DPP10: variants seen among roughly 807,000 people sequenced by gnomAD.
DPP10 encodes the protein dipeptidyl peptidase like 10.
DPP10 carries 33 observed loss-of-function variants against 120.9 expected under a neutral mutation model. That is an observed-to-expected ratio of 0.27 (90% CI 0.21 to 0.37). The LOEUF (loss-of-function observed/expected upper bound fraction) is 0.37. Among genes scored for constraint, DPP10 ranks in the 10% least tolerant of loss-of-function variants. DPP10 has a pLI of 1.00. For synonymous variants in DPP10, 337 were observed against 326.1 expected (o/e 1.03, Z -0.36); for missense variants, 816 against 942.8 (o/e 0.87, Z 1.76).
At position 115,016,385 on chromosome 2, in the gene DPP10, T is replaced by A. The variant is rs552015035; in HGVS notation, c.61-292854T>A. On this transcript the variant is annotated intron_variant, in intron 1 of 25. Coordinates refer to ENST00000410059, the MANE Select transcript of DPP10 (RefSeq NM_020868.6). ...TGGAATAAAGACTAAACATAAGACCTAAAACCATGAAAACCCTAGAAGAAA... is the reference window on the plus strand; with the variant it reads ...TGGAATAAAGACTAAACATAAGACCAAAAACCATGAAAACCCTAGAAGAAA... Among the ~76,000 whole-genome samples the A allele has an allele frequency of 2.0e-5, 3 of 152,202 alleles. No individual in the cohort carries two copies. In the South Asian group the frequency reaches 6.2e-4, roughly 32 times the overall value.
At chr2:115,086,984 C>A (rs1260170532) in intron 1 of DPP10, among the ~76,000 whole-genome samples, 1 of 152,172 alleles carries the variant, frequency 6.6e-6, no homozygotes, top group African/African-American at 2.4e-5. Flanking sequence ...GTGGTCTTAA[C>A]TCACGAGAGC....
At chr2:115,717,987 G>T (rs1409647651) in intron 7 of DPP10, among the ~76,000 whole-genome samples, 2 of 152,156 alleles carry the variant, frequency 1.3e-5, no homozygotes, top group African/African-American at 2.4e-5. Context: ...GAAGTCAGAT[G>T]TGGAGTAGCC....
chr2:114,989,090 A>G (rs1700602666), intron 1 of DPP10, among the ~76,000 whole-genome samples: 1 of 152,208 alleles, frequency 6.6e-6, no homozygotes, highest in Non-Finnish European at 1.5e-5. Flanking sequence ...TCAAGTGTAT[A>G]TTAGACAGAA....
At chr2:114,979,326 A>T (rs1574622131) in intron 1 of DPP10, among the ~76,000 whole-genome samples, 3 of 152,006 alleles carry the variant, frequency 2.0e-5, no homozygotes, top group Non-Finnish European at 2.9e-5. Context: ...TAAAATTTTT[A>T]AAATTATATG....
chr2:115,004,807 G>A (rs1321170611), intron 1 of DPP10, among the ~76,000 whole-genome samples: 1 of 152,176 alleles, frequency 6.6e-6, no homozygotes, highest in East Asian at 1.9e-4. Context: ...GCCCACCATT[G>A]CCCAGGCTTG....
chr2:115,056,709 C>T (rs1233833632), intron 1 of DPP10, among the ~76,000 whole-genome samples: 5 of 152,156 alleles, frequency 3.3e-5, no homozygotes, highest in Admixed American at 6.5e-5. Context: ...CAATGCTACA[C>T]ATCCTCTCTC....
At chr2:115,271,673 A>G (rs891110556) in intron 1 of DPP10, among the ~76,000 whole-genome samples, 3 of 152,208 alleles carry the variant, frequency 2.0e-5, no homozygotes, top group Non-Finnish European at 4.4e-5. Context: ...GGAAAACAAA[A>G]GCAGATTTTG....
At chr2:114,529,899 T>C (rs920061323) in intron 1 of DPP10, among the ~76,000 whole-genome samples, 4 of 152,170 alleles carry the variant, frequency 2.6e-5, no homozygotes, top group Non-Finnish European at 5.9e-5. Flanking sequence ...TGTCCATGTG[T>C]TCTCATCATT....
chr2:114,827,579 A>G (rs1426933695), intron 1 of DPP10, among the ~76,000 whole-genome samples: 2 of 151,988 alleles, frequency 1.3e-5, no homozygotes, highest in African/African-American at 4.8e-5. Context: ...ATTCTCTTTG[A>G]GCCACTTTTT....
intron 1 of DPP10, among the ~76,000 whole-genome samples, chr2:114,990,212 CA>C (rs1700676617): frequency 6.6e-6 from 1 of 152,092 alleles, no homozygotes; most frequent in Non-Finnish European, 1.5e-5. Flanking sequence ...AGAAAGCTAA[CA>C]CATGTATAAA....
Position 114,855,320 on chromosome 2 carries a change from T to A in DPP10, c.60+412482T>A, listed in dbSNP as rs537703217. 1.2e-4 allele frequency among the ~76,000 whole-genome samples: 18 copies of A among 152,328 alleles called. No individual in the cohort carries two copies. The East Asian group carries it at 2.3e-3, about 20-fold the overall frequency. ...TTATCCAAATTAAAATGTGCTTTTT[T>A]AAATTCCCATGGACTTTATTCTTAA... On this transcript the variant is annotated intron_variant, in intron 1 of 25. Transcript: ENST00000410059.
intron 1 of DPP10, among the ~76,000 whole-genome samples, chr2:114,879,662 T>A (rs1574403230): frequency 6.6e-6 from 1 of 151,904 alleles, no homozygotes; most frequent in African/African-American, 2.4e-5. Context: ...GGTCTTGGTG[T>A]CTTTGTGGTG....
At chr2:114,591,171 G>A (rs1297645712) in intron 1 of DPP10, among the ~76,000 whole-genome samples, 1 of 152,222 alleles carries the variant, frequency 6.6e-6, no homozygotes, top group Non-Finnish European at 1.5e-5. Context: ...GCATTCGAAT[G>A]GGGTAAGGTC....
At chr2:115,097,063 A>T (rs2048435465) in intron 1 of DPP10, among the ~76,000 whole-genome samples, 1 of 152,222 alleles carries the variant, frequency 6.6e-6, no homozygotes, top group Non-Finnish European at 1.5e-5. Context: ...AACCACTTTG[A>T]TAATACAAAG....
At chr2:115,571,617 C>T (rs2081341548) in intron 5 of DPP10, among the ~76,000 whole-genome samples, 1 of 151,608 alleles carries the variant, frequency 6.6e-6, no homozygotes, top group Admixed American at 6.6e-5. Context: ...TCATTTTGTT[C>T]TCTCTTAATG....
chr2:114,739,813 A>G lies in DPP10; in HGVS notation c.60+296975A>G, dbSNP rs7585281. ...TTCAAACTAAGAGCCCCTCATTCTT[A>G]AGGAGTGGAAGGTAACCCAGTCTAA... is the stretch of plus-strand genomic sequence containing the variant. On this transcript the variant is annotated intron_variant, in intron 1 of 25. Coordinates refer to ENST00000410059, the MANE Select transcript of DPP10 (RefSeq NM_020868.6). Among the ~76,000 whole-genome samples the G allele has an allele frequency of 6.4e-3, 971 of 152,276 alleles. 8 individuals are homozygous for G. Among genetic ancestry groups the G allele is most frequent in the African/African-American group, 0.022 (925 of 41,560 alleles).
At chr2:115,482,002 T>C (rs1302182452) in intron 3 of DPP10, among the ~76,000 whole-genome samples, 1 of 152,014 alleles carries the variant, frequency 6.6e-6, no homozygotes, top group Non-Finnish European at 1.5e-5. Context: ...AAAGTTAAAC[T>C]TTACTTGGAG....
At chr2:114,815,966 G>C (rs1416831145) in intron 1 of DPP10, among the ~76,000 whole-genome samples, 1 of 151,160 alleles carries the variant, frequency 6.6e-6, no homozygotes, top group Non-Finnish European at 1.5e-5. Context: ...AGATAAAAAA[G>C]CTATCTATGA....
At chr2:115,401,896 G>GA (rs35488394) in intron 3 of DPP10, among the ~76,000 whole-genome samples, 37 of 145,966 alleles carry the variant, frequency 2.5e-4, no homozygotes, top group Non-Finnish European at 3.6e-4. Flanking sequence ...GGATTTAGCA[G>GA]AAAAAAAAAA....
Sources: allele counts gnomAD v4.1 joint callset (sites outside exome capture counted in the v4.1 genomes callset), GRCh38; gene constraint gnomAD v4.1.1; transcripts MANE v1.5; gene names NCBI Gene and HGNC (gene_info 2026-07-23, HGNC 2026-07-21).